The following MYH14 variants were observed in gnomAD, a reference collection of about 807,000 sequenced individuals.
MYH14 encodes myosin-14.
A neutral mutation model predicts 255.5 loss-of-function variants in MYH14; 123 were observed. That is an observed-to-expected ratio of 0.48 (90% confidence interval 0.42 to 0.56). The LOEUF (loss-of-function observed/expected upper bound fraction) is 0.56. MYH14 is among the 20% of genes least tolerant of loss of function. The pLI is 0.00. For synonymous variants in MYH14, 1,095 were observed against 1,161.2 expected, an observed-to-expected ratio of 0.94 and a Z score of 1.16; for missense variants, 2,423 against 2,802.3, an observed-to-expected ratio of 0.86 and a Z score of 3.06.
At chr19:50,265,134 G>A (rs2035034478) in intron 22 of MYH14, among the ~76,000 whole-genome samples, 1 of 152,216 alleles carries the variant, frequency 6.6e-6, no homozygotes, top group African/African-American at 2.4e-5. Flanking sequence ...CGGCCTGTGG[G>A]CCAGATGGCT....
Position 50,223,097 on chromosome 19 carries a change from T to C in MYH14, c.577T>C (p.Ser193Pro). 6.2e-7 allele frequency: 1 copy of C among 1,613,678 alleles called. No homozygotes were observed. The highest frequency in any genetic ancestry group is 8.5e-7 in the Non-Finnish European group (1 of 1,179,632). Residue 193 changes from serine (S) to proline (P), a missense_variant, in exon 4 of 43, where the codon TCC (serine) becomes CCC (proline). This residue lies in a region of MYH14 where 672 missense variants were observed against 881.8 expected (regional missense o/e 0.76). Coordinates refer to ENST00000642316, the MANE Select transcript of MYH14 (RefSeq NM_001145809.2). ...GTCCCCTACAGATCGTGAGGACCAG[T>C]CCATTCTCTGCACGTGAGTAATCTG... ...RSMLQDREDQ[S>P]ILCTGESGAG... is the part of the protein sequence containing the mutation.
chr19:50,291,094 C>T (rs771605899), intron 36 of MYH14, 46 bp downstream of exon 36: 16 of 1,590,404 alleles, frequency 1.0e-5, no homozygotes, highest in Non-Finnish European at 1.4e-5. Flanking sequence ...TTGGTGTCTT[C>T]AAGCCCCAAC....
At chr19:50,233,450 G>A (rs2033505129) in intron 10 of MYH14, among the ~76,000 whole-genome samples, 1 of 151,988 alleles carries the variant, frequency 6.6e-6, no homozygotes, top group African/African-American at 2.4e-5. Context: ...GATTCCAGGC[G>A]TGAGCCGCTG....
Position 50,246,872 on chromosome 19 carries a change from A to C in MYH14, c.1211-132A>C, listed in dbSNP as rs1050003618. The C allele has an allele frequency of 3.6e-5, 23 of 633,406 alleles. No homozygotes were observed. In the African/African-American group the frequency reaches 3.6e-4, roughly 10 times the overall value. The allele number at this position is 633,406 out of a possible 1,614,324, so 39.2% of individuals were successfully genotyped here. ...GAATGTACACACTTTTGGGACTCGT[A>C]ATGCCTCTCCTGGGAAAGGCGGGGC... On this transcript the variant is annotated intron_variant, in intron 11 of 42. Coordinates refer to ENST00000642316, the MANE Select transcript of MYH14 (RefSeq NM_001145809.2).
rs373651452 is a variant in MYH14 at position 50,289,605 on chromosome 19, G to A, written c.4922G>A (p.Arg1641His). 4.8e-5 allele frequency: 77 copies of A among 1,612,470 alleles called. No homozygotes were observed. Among genetic ancestry groups the A allele is most frequent in the South Asian group, 3.1e-4 (28 of 90,744 alleles). ...KTQHERDLQG[R>H]DEAGEERRRQ... ...CAGCATGAGCGTGACCTGCAGGGCC[G>A]TGATGAGGCTGGTGAAGAGAGGCGG... Residue 1641 changes from arginine to histidine, a missense_variant, in exon 35 of 43, where the codon CGT becomes CAT. This residue lies in a region of MYH14 where 1,513 missense variants were observed against 1,674.8 expected (regional missense o/e 0.90). Transcript: ENST00000642316.
intron 36 of MYH14, among the ~76,000 whole-genome samples, chr19:50,291,555 T>C (rs1390403014): frequency 2.6e-5 from 4 of 152,170 alleles, no homozygotes; most frequent in Admixed American, 1.3e-4. Flanking sequence ...GGTTTTGTTT[T>C]TGAAGTGAAA....
In MYH14 at chr19:50,203,637, C is replaced by T. The variant is rs1047964410; in HGVS notation, c.-38C>T. 2.0e-5 allele frequency: 3 copies of T among 152,528 alleles called. No individual in the cohort carries two copies. The East Asian group carries it at 5.8e-4, about 29-fold the overall frequency. 9.4% of individuals were successfully genotyped at this position (152,528 alleles called of 1,614,324 possible). The stretch of plus-strand genomic sequence containing the variant: ...CCTGGCGGACACGCCCCTCTTTCTC[C>T]CCAGGCCGAAGCCTCGGGACGGCCC... On this transcript the variant is annotated 5_prime_UTR_variant, in exon 1 of 43. Coordinates refer to ENST00000642316, the MANE Select transcript of MYH14 (RefSeq NM_001145809.2).
chr19:50,232,179 TG>T, intron 10 of MYH14, 109 bp downstream of exon 10: 1 of 1,396,416 alleles, frequency 7.2e-7, no homozygotes. Flanking sequence ...GAGCACCTAC[TG>T]GGTGCAGGCA....
intron 30 of MYH14, among the ~76,000 whole-genome samples, chr19:50,278,989 C>CAAT (rs370434960): frequency 6.6e-6 from 1 of 151,626 alleles, no homozygotes; most frequent in East Asian, 1.9e-4. Flanking sequence ...ACTCCATCTC[C>CAAT]AATAATAATA....
chr19:50,272,442 G>T, intron 26 of MYH14, 118 bp from the exon 27 acceptor site: 1 of 1,036,858 alleles, frequency 9.6e-7, no homozygotes, highest in Non-Finnish European at 1.5e-6. Context: ...GGAGGAGAAG[G>T]CGTTAAGGGA....
intron 6 of MYH14, 150 bp downstream of exon 6, chr19:50,224,327 C>T: frequency 1.9e-6 from 2 of 1,067,228 alleles, no homozygotes; most frequent in African/African-American, 1.6e-5. Flanking sequence ...TCATGGCGGC[C>T]CTGCTGTGTG....
chr19:50,211,715 T>C (rs2032203887), intron 2 of MYH14, among the ~76,000 whole-genome samples: 2 of 151,924 alleles, frequency 1.3e-5, no homozygotes, highest in African/African-American at 4.8e-5. Context: ...GGAATGGTGG[T>C]TCATGCCTGT....
chr19:50,259,258 C>G lies in MYH14; in HGVS notation c.2347C>G (p.Arg783Gly). 1 of 1,578,938 alleles carries G rather than the reference C, an allele frequency of 6.3e-7. No individual in the cohort carries two copies. Among genetic ancestry groups the G allele is most frequent in the Non-Finnish European group, 8.6e-7 (1 of 1,161,784 alleles). Residue 783 changes from arginine to glycine, a missense_variant, in exon 19 of 43, where the codon CGG (arginine) becomes GGG (glycine). Arg to Gly is a moderately radical substitution (Grantham distance 125). Around this residue, in one of 3 missense-constraint regions of MYH14, gnomAD observed 672 missense variants for 881.8 expected, o/e 0.76. Transcript: ENST00000642316. ...CAACCGCATCCTCTTCCAGGAGTTC[C>G]GGCAGCGGTGAGCTAGAGCGAGGGC... ...FPNRILFQEFRQRYEILTPNA... is the reference protein window; with the variant it reads ...FPNRILFQEFGQRYEILTPNA...
intron 22 of MYH14, 86 bp downstream of exon 22, chr19:50,263,506 T>A (rs2034966463): frequency 1.1e-6 from 1 of 888,070 alleles, no homozygotes; most frequent in Non-Finnish European, 1.7e-6. Flanking sequence ...TTCCTCCATG[T>A]GGGCCTCAGT....
chr19:50,234,534 T>C (rs1208475398), intron 10 of MYH14, among the ~76,000 whole-genome samples: 1 of 152,150 alleles, frequency 6.6e-6, no homozygotes, highest in Non-Finnish European at 1.5e-5. Flanking sequence ...GCCGGGCCTC[T>C]TGTGGCCTAT....
intron 11 of MYH14, among the ~76,000 whole-genome samples, chr19:50,245,700 TAGG>T (rs2034085538): frequency 6.6e-6 from 1 of 152,044 alleles, no homozygotes; most frequent in Non-Finnish European, 1.5e-5. Flanking sequence ...GCACAGAAAA[TAGG>T]AGGACAGGAT....
intron 1 of MYH14, among the ~76,000 whole-genome samples, chr19:50,208,514 A>AG (rs1555751396): frequency 6.6e-6 from 1 of 151,962 alleles, no homozygotes; most frequent in African/African-American, 2.4e-5. Flanking sequence ...AAAAATAAAA[A>AG]AGAGAGAGAG....
Position 50,309,767 on chromosome 19 carries a change from T to C in MYH14, c.6088T>C (p.Ser2030Pro). The change falls in exon 43 of 43, where the codon TCC becomes CCC. Residue 2030 changes from serine to proline, a missense_variant. By Grantham distance (74) the Ser-to-Pro change is moderately conservative. Coordinates refer to ENST00000642316, the MANE Select transcript of MYH14 (RefSeq NM_001145809.2). ...GSGPSPEPEG[S>P]PPAHPQ The stretch of plus-strand genomic sequence containing the variant: ...TGGGCCATCCCCGGAGCCTGAGGGG[T>C]CCCCACCAGCCCACCCCCAGTGACC... The C allele has an allele frequency of 6.4e-7, 1 of 1,570,926 alleles. No homozygotes were observed.
At chr19:50,204,432 A>G (rs546896812) in intron 1 of MYH14, among the ~76,000 whole-genome samples, 1 of 152,310 alleles carries the variant, frequency 6.6e-6, no homozygotes, top group East Asian at 1.9e-4. Context: ...GACCTGCTAC[A>G]AGTTCTTTCC....
Sources: allele counts gnomAD v4.1 joint callset (sites outside exome capture counted in the v4.1 genomes callset), GRCh38; gene constraint gnomAD v4.1.1; regional missense constraint gnomAD v4.1.1; transcripts MANE v1.5; gene names NCBI Gene and HGNC (gene_info 2026-07-23, HGNC 2026-07-21).